CNTN5: variants seen among roughly 807,000 people sequenced by gnomAD.
CNTN5 encodes contactin 5, also known as contactin-5.
In CNTN5, 77 loss-of-function variants were observed where a neutral mutation model predicts 129.1. That is an observed-to-expected ratio of 0.60 (90% CI 0.50 to 0.72). The LOEUF is 0.72. Among genes scored for constraint, CNTN5 ranks in the 30% least tolerant of loss-of-function variants. The pLI, the probability that CNTN5 is intolerant of heterozygous loss-of-function variation, is 0.00. For synonymous variants in CNTN5, 509 were observed against 465.6 expected (o/e 1.09, Z -1.20); for missense variants, 1,478 against 1,328.8 (o/e 1.11, Z -1.75).
At chr11:100,012,117 G>T (rs1360991547) in intron 9 of CNTN5, among the ~76,000 whole-genome samples, 1 of 152,136 alleles carries the variant, frequency 6.6e-6, no homozygotes, top group African/African-American at 2.4e-5. Flanking sequence ...CAGTCTCTGG[G>T]TGTTGGAATC....
chr11:99,424,697 G>C (rs1055395679), intron 2 of CNTN5, among the ~76,000 whole-genome samples: 3 of 152,246 alleles, frequency 2.0e-5, no homozygotes, highest in African/African-American at 7.2e-5. Context: ...CCTGGCTCAG[G>C]GAGCTCCTAT....
chr11:99,832,209 T>C (rs1020608709), intron 4 of CNTN5, among the ~76,000 whole-genome samples: 11 of 152,156 alleles, frequency 7.2e-5, no homozygotes, highest in African/African-American at 2.7e-4. Flanking sequence ...AATAAGTCAT[T>C]AGCAAAAAAG....
intron 1 of CNTN5, among the ~76,000 whole-genome samples, chr11:99,238,505 C>A (rs181280733): frequency 6.6e-6 from 1 of 152,108 alleles, no homozygotes; most frequent in Non-Finnish European, 1.5e-5. Flanking sequence ...TTTTTTGAAA[C>A]AACTTAGTTT....
intron 13 of CNTN5, among the ~76,000 whole-genome samples, chr11:100,112,473 C>T (rs550308835): frequency 7.2e-5 from 11 of 151,930 alleles, no homozygotes; most frequent in Admixed American, 1.3e-4. Context: ...TATCAGACAC[C>T]GAAAATGTAA....
At chr11:99,093,809 G>GCAAGTACAGTTAT (rs1866354553) in intron 1 of CNTN5, among the ~76,000 whole-genome samples, 1 of 151,768 alleles carries the variant, frequency 6.6e-6, no homozygotes, top group Non-Finnish European at 1.5e-5. Context: ...GCAGGTCAGG[G>GCAAGTACAGTTAT]CAAGTACAGT....
At chr11:99,593,149 A>T (rs1236799419) in intron 3 of CNTN5, among the ~76,000 whole-genome samples, 1 of 152,166 alleles carries the variant, frequency 6.6e-6, no homozygotes, top group African/African-American at 2.4e-5. Context: ...CCCTATTCTG[A>T]TGGAGAGTGT....
intron 1 of CNTN5, among the ~76,000 whole-genome samples, chr11:99,061,022 A>G (rs1864853832): frequency 6.6e-6 from 1 of 152,106 alleles, no homozygotes; most frequent in African/African-American, 2.4e-5. Flanking sequence ...ACAATGTTGT[A>G]ACTTCACCAC....
At chr11:99,341,918 G>GA (rs1866530404) in intron 2 of CNTN5, among the ~76,000 whole-genome samples, 1 of 152,166 alleles carries the variant, frequency 6.6e-6, no homozygotes, top group South Asian at 2.1e-4. Context: ...AAATAGTAAA[G>GA]AAAACACTGA....
At chr11:99,033,752 C>T (rs905540980) in intron 1 of CNTN5, among the ~76,000 whole-genome samples, 15 of 152,004 alleles carry the variant, frequency 9.9e-5, no homozygotes, top group South Asian at 2.1e-4. Flanking sequence ...TAATTGAATA[C>T]CCTTTATTTC....
intron 9 of CNTN5, among the ~76,000 whole-genome samples, chr11:100,035,182 C>T (rs571153224): frequency 3.0e-4 from 44 of 148,094 alleles, no homozygotes; most frequent in African/African-American, 1.0e-3. Context: ...CCATGTGTTC[C>T]ATTGTTCAAT....
intron 3 of CNTN5, among the ~76,000 whole-genome samples, chr11:99,593,697 C>G (rs1472450161): frequency 6.6e-6 from 1 of 152,176 alleles, no homozygotes; most frequent in Non-Finnish European, 1.5e-5. Flanking sequence ...TTCTTCCCAT[C>G]AACAAAATCC....
intron 2 of CNTN5, among the ~76,000 whole-genome samples, chr11:99,405,012 T>G (rs1942010255): frequency 6.6e-6 from 1 of 152,178 alleles, no homozygotes; most frequent in Non-Finnish European, 1.5e-5. Flanking sequence ...TAAAACTTTT[T>G]TTTTCCTTTA....
At chr11:100,134,835 G>A (rs927586599) in intron 13 of CNTN5, among the ~76,000 whole-genome samples, 1 of 152,090 alleles carries the variant, frequency 6.6e-6, no homozygotes, top group African/African-American at 2.4e-5. Flanking sequence ...GAGTTGCCCT[G>A]TCTCTGTATT....
intron 1 of CNTN5, among the ~76,000 whole-genome samples, chr11:99,297,716 T>C (rs1309308534): frequency 6.6e-6 from 1 of 152,172 alleles, no homozygotes. Context: ...CGATCTCAGG[T>C]TCTCTTGATT....
intron 1 of CNTN5, among the ~76,000 whole-genome samples, chr11:99,313,643 C>G (rs1002911975): frequency 4.6e-5 from 7 of 151,944 alleles, no homozygotes; most frequent in African/African-American, 1.7e-4. Context: ...GTGTACATTT[C>G]AAGGAATATT....
intron 3 of CNTN5, among the ~76,000 whole-genome samples, chr11:99,739,179 T>G (rs1162030219): frequency 6.6e-6 from 1 of 152,150 alleles, no homozygotes; most frequent in Non-Finnish European, 1.5e-5. Context: ...ATAATTGTTA[T>G]TCCCTTATGA....
intron 6 of CNTN5, among the ~76,000 whole-genome samples, chr11:99,891,813 T>C (rs1949067515): frequency 6.6e-6 from 1 of 152,128 alleles, no homozygotes; most frequent in African/African-American, 2.4e-5. Flanking sequence ...GTCTTTTTAG[T>C]ACAATGATTT....
intron 13 of CNTN5, among the ~76,000 whole-genome samples, chr11:100,157,548 A>G (rs952912096): frequency 6.6e-6 from 1 of 151,694 alleles, no homozygotes; most frequent in Non-Finnish European, 1.5e-5. Context: ...GTGTTTTAGT[A>G]TTGGTCATGT....
chr11:99,979,365 G>A (rs1476335422), intron 8 of CNTN5, among the ~76,000 whole-genome samples: 25 of 152,278 alleles, frequency 1.6e-4, no homozygotes, highest in Admixed American at 1.2e-3. Context: ...TGAGTACAGT[G>A]CTGATGAAAG....
Sources: gnomAD v4.1 joint callset for allele counts (sites outside exome capture counted in the v4.1 genomes callset) on GRCh38, gnomAD v4.1.1 for gene constraint, MANE v1.5 for transcripts, NCBI Gene and HGNC (gene_info 2026-07-23, HGNC 2026-07-21) for gene names.